KCNQ3: variants seen among roughly 807,000 people sequenced by gnomAD.
KCNQ3 encodes the protein potassium voltage-gated channel subfamily KQT member 3.
In KCNQ3, 30 loss-of-function variants were observed where a neutral mutation model predicts 92.5. The ratio of observed to expected loss-of-function variants is 0.32; its 90% CI spans 0.24 to 0.44. The LOEUF (loss-of-function observed/expected upper bound fraction) is 0.44, where lower values mean the gene tolerates loss of function less well. Among genes scored for constraint, KCNQ3 ranks in the 20% least tolerant of loss-of-function variants. The pLI, the probability that KCNQ3 is intolerant of heterozygous loss-of-function variation, is 1.00. For missense variants in KCNQ3, 913 were observed against 1,140.3 expected, an observed-to-expected ratio of 0.80 and a Z score of 2.87; for synonymous variants, 450 against 468.8, an observed-to-expected ratio of 0.96 and a Z score of 0.52.
intron 5 of KCNQ3, among the ~76,000 whole-genome samples, chr8:132,174,863 G>A (rs968609729): frequency 2.0e-5 from 3 of 152,164 alleles, no homozygotes; most frequent in Non-Finnish European, 2.9e-5. Flanking sequence ...TGTGGCCTCC[G>A]GAGCCTAACT....
chr8:132,346,596 T>C (rs1017386333), intron 1 of KCNQ3, among the ~76,000 whole-genome samples: 2 of 152,202 alleles, frequency 1.3e-5, no homozygotes, highest in African/African-American at 4.8e-5. Context: ...TGAGGGAATA[T>C]AGATGCTTAC....
chr8:132,363,726 G>A (rs887397925), intron 1 of KCNQ3, among the ~76,000 whole-genome samples: 4 of 151,674 alleles, frequency 2.6e-5, no homozygotes, highest in African/African-American at 7.3e-5. Flanking sequence ...ACGTGCTCAC[G>A]TCATTCACTC....
At chr8:132,189,256 C>T (rs1436940844) in intron 1 of KCNQ3, among the ~76,000 whole-genome samples, 4 of 152,178 alleles carry the variant, frequency 2.6e-5, no homozygotes, top group African/African-American at 4.8e-5. Context: ...CTTCCCTGAC[C>T]CCAGCTGCTC....
At chr8:132,383,393 G>A (rs931045735) in intron 1 of KCNQ3, among the ~76,000 whole-genome samples, 3 of 152,222 alleles carry the variant, frequency 2.0e-5, no homozygotes, top group African/African-American at 7.2e-5. Flanking sequence ...TAGAGGCACT[G>A]CCAGCCTGCA....
At chr8:132,188,518 T>G (rs1827066987) in intron 1 of KCNQ3, among the ~76,000 whole-genome samples, 2 of 152,256 alleles carry the variant, frequency 1.3e-5, no homozygotes, top group Non-Finnish European at 2.9e-5. Flanking sequence ...GGTTTCCTTC[T>G]GTGTAAAATG....
At chr8:132,345,171 C>A (rs894042810) in intron 1 of KCNQ3, among the ~76,000 whole-genome samples, 1 of 152,114 alleles carries the variant, frequency 6.6e-6, no homozygotes, top group Non-Finnish European at 1.5e-5. Flanking sequence ...TATTGATTCA[C>A]AAGTCAGAAA....
intron 1 of KCNQ3, among the ~76,000 whole-genome samples, chr8:132,284,481 T>G (rs1196666125): frequency 1.8e-5 from 2 of 110,562 alleles, no homozygotes; most frequent in Non-Finnish European, 4.2e-5. Context: ...TTTGTGAAAC[T>G]CTATAGATTT....
chr8:132,423,689 G>T (rs1391690795), intron 1 of KCNQ3, among the ~76,000 whole-genome samples: 1 of 152,154 alleles, frequency 6.6e-6, no homozygotes, highest in Non-Finnish European at 1.5e-5. Context: ...TCAGAGAGGT[G>T]AGTAATTCAG....
At chr8:132,392,904 T>C (rs1820088758) in intron 1 of KCNQ3, among the ~76,000 whole-genome samples, 1 of 151,784 alleles carries the variant, frequency 6.6e-6, no homozygotes, top group Non-Finnish European at 1.5e-5. Context: ...TATCTTAAGA[T>C]AAAGTTTAAA....
intron 1 of KCNQ3, among the ~76,000 whole-genome samples, chr8:132,255,759 C>T (rs907534508): frequency 6.6e-6 from 1 of 152,116 alleles, no homozygotes; most frequent in Non-Finnish European, 1.5e-5. Flanking sequence ...ATTAGCTGAC[C>T]ATTAAACTAA....
intron 1 of KCNQ3, among the ~76,000 whole-genome samples, chr8:132,278,928 C>T (rs1816424970): frequency 6.6e-6 from 1 of 152,068 alleles, no homozygotes; most frequent in African/African-American, 2.4e-5. Flanking sequence ...TAAAAAAGTG[C>T]ACATCCGTCA....
chr8:132,324,063 T>C (rs1817971510), intron 1 of KCNQ3, among the ~76,000 whole-genome samples: 1 of 152,160 alleles, frequency 6.6e-6, no homozygotes, highest in African/African-American at 2.4e-5. Flanking sequence ...GTTTCATCCC[T>C]CCATATCTTA....
At chr8:132,179,144 C>T (rs939203024) in intron 4 of KCNQ3, among the ~76,000 whole-genome samples, 1 of 150,942 alleles carries the variant, frequency 6.6e-6, no homozygotes, top group African/African-American at 2.4e-5. Flanking sequence ...TTCATTCCTC[C>T]AGAATCCAGC....
chr8:132,376,412 C>T (rs1819611162), intron 1 of KCNQ3, among the ~76,000 whole-genome samples: 1 of 152,162 alleles, frequency 6.6e-6, no homozygotes, highest in African/African-American at 2.4e-5. Context: ...ACAGTCCTCA[C>T]ATTGTTCTCC....
At chr8:132,179,948 C>G (rs1826698593) in intron 4 of KCNQ3, among the ~76,000 whole-genome samples, 1 of 152,230 alleles carries the variant, frequency 6.6e-6, no homozygotes, top group Non-Finnish European at 1.5e-5. Flanking sequence ...CTCAGTTTCA[C>G]CTGTTCCTGC....
intron 1 of KCNQ3, among the ~76,000 whole-genome samples, chr8:132,468,711 G>A (rs1314841216): frequency 3.3e-5 from 5 of 152,212 alleles, no homozygotes; most frequent in Admixed American, 6.5e-5. Flanking sequence ...CTTGCAGAGT[G>A]CAGATAATTT....
intron 1 of KCNQ3, among the ~76,000 whole-genome samples, chr8:132,241,182 C>G (rs984341031): frequency 2.0e-5 from 3 of 152,118 alleles, no homozygotes; most frequent in African/African-American, 7.2e-5. Context: ...AGCCACCGTG[C>G]CCAGCCTAGC....
intron 1 of KCNQ3, among the ~76,000 whole-genome samples, chr8:132,385,517 T>G (rs752375719): frequency 3.3e-4 from 50 of 152,144 alleles, no homozygotes; most frequent in Non-Finnish European, 6.8e-4. Flanking sequence ...AAGAATGGAC[T>G]AATGTTATCC....
At chr8:132,478,897 C>T (rs754439611) in intron 1 of KCNQ3, among the ~76,000 whole-genome samples, 50 of 151,920 alleles carry the variant, frequency 3.3e-4, no homozygotes, top group Non-Finnish European at 6.3e-4. Context: ...GGCTCCTGAG[C>T]CCTTCCGACC....
Sources: gnomAD v4.1 joint callset for allele counts (sites outside exome capture counted in the v4.1 genomes callset) on GRCh38, gnomAD v4.1.1 for gene constraint, MANE v1.5 for transcripts, NCBI Gene and HGNC (gene_info 2026-07-23, HGNC 2026-07-21) for gene names.